The following FHIP1B variants were observed in gnomAD, a reference collection of about 807,000 sequenced individuals.
The protein encoded by FHIP1B is FHF complex subunit HOOK interacting protein 1B.
In FHIP1B, 28 loss-of-function variants were observed where a neutral mutation model predicts 82.2. The ratio of observed to expected loss-of-function variants is 0.34; its 90% CI spans 0.25 to 0.47. The LOEUF is 0.47. Among genes scored for constraint, FHIP1B ranks in the 20% least tolerant of loss-of-function variants. The pLI is 1.00. For missense variants in FHIP1B, 1,110 were observed against 1,262.6 expected, an observed-to-expected ratio of 0.88 and a Z score of 1.83; for synonymous variants, 585 against 516.1, an observed-to-expected ratio of 1.13 and a Z score of -1.81.
rs1022295741 is a variant in FHIP1B, at chr11:6,223,664, T to A, written c.723A>T (p.Ser241=). 13 of 1,612,146 alleles carry A rather than the reference T, an allele frequency of 8.1e-6. No homozygotes were observed. The highest frequency in any genetic ancestry group is 1.1e-5 in the Non-Finnish European group (13 of 1,178,820). The change falls in exon 3 of 12, where the codon TCA becomes TCT. Residue 241 remains serine (S), a synonymous_variant. Transcript: ENST00000449352. This position sits in a 1 kb window ranked among gnomAD's most constrained non-coding sequence, Gnocchi z 4.8. ...AGCGGCCCACAGTGGGGCTCCCAGC[T>A]GACAAAGCCATGAGAAGAAGTAGGG... ...RDALLLLMAL[S]AGSPTVGRYI...
At chr11:6,228,159 C>G (rs1847610529) in intron 1 of FHIP1B, among the ~76,000 whole-genome samples, 1 of 152,016 alleles carries the variant, frequency 6.6e-6, no homozygotes, top group African/African-American at 2.4e-5. Flanking sequence ...ACCAGCCTGA[C>G]CAACACGGTG....
At position 6,224,600 on chromosome 11, in the gene FHIP1B, G is replaced by A; in HGVS notation, c.-84C>T. On this transcript the variant is annotated 5_prime_UTR_variant, in exon 2 of 12. Coordinates refer to ENST00000449352, the MANE Select transcript of FHIP1B (RefSeq NM_001098794.2). ...GAGGTTTTCTCCACTTGTGTCTCCA[G>A]TCTGCTTCATCCGGTCTGTAGGAGC... The A allele has an allele frequency of 6.9e-7, 1 of 1,439,542 alleles. No individual in the cohort carries two copies. The highest frequency in any genetic ancestry group is 9.3e-7 in the Non-Finnish European group (1 of 1,071,818). 89.2% of individuals were successfully genotyped at this position (1,439,542 alleles called of 1,614,324 possible).
Position 6,211,364 on chromosome 11 carries a change from C to A in FHIP1B, c.*142G>T. 2 of 1,186,546 alleles carry A rather than the reference C, an allele frequency of 1.7e-6. No individual in the cohort carries two copies. Among genetic ancestry groups the A allele is most frequent in the Middle Eastern group, 2.9e-4 (1 of 3,434 alleles). 73.5% of individuals were successfully genotyped at this position (1,186,546 alleles called of 1,614,324 possible). ...ACAGAATAGAGATTTCCCTTTTATA[C>A]ATATTGCAACAAGTTCTCCATAAAA... On this transcript the variant is annotated 3_prime_UTR_variant, in exon 12 of 12. Transcript: ENST00000449352.
intron 6 of FHIP1B, among the ~76,000 whole-genome samples, chr11:6,219,500 C>G (rs77118274): frequency 3.9e-4 from 60 of 152,268 alleles, no homozygotes; most frequent in Middle Eastern, 3.4e-3. Flanking sequence ...CTAGAGGGAA[C>G]CGGGAAGATT....
chr11:6,232,724 G>A (rs1847728696), intron 1 of FHIP1B, among the ~76,000 whole-genome samples: 2 of 152,176 alleles, frequency 1.3e-5, no homozygotes, highest in South Asian at 2.1e-4. Context: ...TTGTATAAAT[G>A]TATGCTTCCT....
chr11:6,224,556 T>C lies in FHIP1B; in HGVS notation c.-40A>G. The C allele has an allele frequency of 6.4e-7, 1 of 1,554,488 alleles. No homozygotes were observed. The highest frequency in any genetic ancestry group is 8.7e-7 in the Non-Finnish European group (1 of 1,155,186). On this transcript the variant is annotated 5_prime_UTR_variant, in exon 2 of 12. Coordinates refer to ENST00000449352, the MANE Select transcript of FHIP1B (RefSeq NM_001098794.2). ...AGGACTGGCAGCCAGAGGCCTACAC[T>C]CTGAGGATTTGCCAGCTGGAGGTTT...
Position 6,217,633 on chromosome 11 carries a change from C to A in FHIP1B, c.1953G>T (p.Leu651=). The A allele has an allele frequency of 6.2e-7, 1 of 1,614,022 alleles. No individual in the cohort carries two copies. The highest frequency in any genetic ancestry group is 8.5e-7 in the Non-Finnish European group (1 of 1,180,006). Residue 651 remains leucine, a synonymous_variant, in exon 9 of 12, where the codon CTG becomes CTT. Coordinates refer to ENST00000449352, the MANE Select transcript of FHIP1B (RefSeq NM_001098794.2). ...SWPEGAKKVR[L]VPKEGAGELL... The stretch of plus-strand genomic sequence containing the variant: ...GTTCCCCAGCTCCCTCCTTTGGCAC[C>A]AGACGAACCTTCTTGGCCCCCTCAG...
At chr11:6,230,142 G>A (rs1352879109) in intron 1 of FHIP1B, among the ~76,000 whole-genome samples, 1 of 152,150 alleles carries the variant, frequency 6.6e-6, no homozygotes, top group Non-Finnish European at 1.5e-5. Context: ...CAGCAAGGGT[G>A]ACAACCAACC....
intron 1 of FHIP1B, among the ~76,000 whole-genome samples, chr11:6,230,621 T>A (rs1038901485): frequency 7.2e-5 from 11 of 152,216 alleles, no homozygotes; most frequent in Non-Finnish European, 1.0e-4. Flanking sequence ...GATCTCCTCA[T>A]CTGACTCCAG....
Position 6,223,853 on chromosome 11 carries a change from T to G in FHIP1B, c.534A>C (p.Leu178=), listed in dbSNP as rs780406819. Residue 178 remains leucine, a synonymous_variant, in exon 3 of 12, where the codon CTA becomes CTC. Coordinates refer to ENST00000449352, the MANE Select transcript of FHIP1B (RefSeq NM_001098794.2). The surrounding 1 kb of genome is among the most constrained non-coding windows in gnomAD (Gnocchi z 4.8). ...CACAAACACACAGCTGGCTGAGAAGTAGCACCAAGCCTTCATCCAGTGCTG... is the reference window on the plus strand; with the variant it reads ...CACAAACACACAGCTGGCTGAGAAGGAGCACCAAGCCTTCATCCAGTGCTG... ...SSPALDEGLV[L]LLSQLCVCVA... is the part of the protein sequence containing the mutation. The G allele has an allele frequency of 9.9e-6, 16 of 1,614,040 alleles. No individual in the cohort carries two copies. In the Admixed American group the frequency reaches 1.7e-4, roughly 17 times the overall value.
intron 8 of FHIP1B, 76 bp downstream of exon 8, chr11:6,218,524 T>A: frequency 7.6e-6 from 12 of 1,582,352 alleles, no homozygotes; most frequent in Non-Finnish European, 1.0e-5. Flanking sequence ...CCCCAGCCCC[T>A]CCTTGCTACG....
Position 6,218,578 on chromosome 11 carries a change from CCTGT to C in FHIP1B, c.1435+18_1435+21del. ...CATACCCGTGATGTCCTCCCTTCTC[CCTGT>C]CTCTCTGCTAGGCCCACCTCGTGCC... is the stretch of plus-strand genomic sequence containing the variant. On this transcript the variant is annotated intron_variant, in intron 8 of 11. Transcript: ENST00000449352. The C allele has an allele frequency of 6.2e-7, 1 of 1,613,972 alleles. No homozygotes were observed. Among genetic ancestry groups the C allele is most frequent in the Non-Finnish European group, 8.5e-7 (1 of 1,179,918 alleles).
chr11:6,211,407 T>G lies in FHIP1B; in HGVS notation c.*99A>C. ...CCATAAAACATTCATCTGAAATAAA[T>G]TAAAAAGTCCTTTTGCCACTGCCTC... is the stretch of plus-strand genomic sequence containing the variant. On this transcript the variant is annotated 3_prime_UTR_variant, in exon 12 of 12. Coordinates refer to ENST00000449352, the MANE Select transcript of FHIP1B (RefSeq NM_001098794.2). The G allele has an allele frequency of 7.1e-7, 1 of 1,411,872 alleles. No homozygotes were observed. The highest frequency in any genetic ancestry group is 9.5e-7 in the Non-Finnish European group (1 of 1,052,474). The allele number at this position is 1,411,872 out of a possible 1,614,324, so 87.5% of individuals were successfully genotyped here.
At chr11:6,232,406 T>C (rs1847721640) in intron 1 of FHIP1B, among the ~76,000 whole-genome samples, 1 of 152,214 alleles carries the variant, frequency 6.6e-6, no homozygotes, top group South Asian at 2.1e-4. Context: ...CCTATGTCAC[T>C]CTCACAGTCC....
At chr11:6,233,402 G>A (rs897281720) in intron 1 of FHIP1B, among the ~76,000 whole-genome samples, 2 of 152,142 alleles carry the variant, frequency 1.3e-5, no homozygotes, top group African/African-American at 4.8e-5. Flanking sequence ...AGAATTTCAC[G>A]TGCATTTGGG....
At position 6,223,800 on chromosome 11, in the gene FHIP1B, A is replaced by C; in HGVS notation, c.587T>G (p.Phe196Cys). Residue 196 changes from phenylalanine (F) to cysteine (C), a missense_variant, in exon 3 of 12, where the codon TTC becomes TGC. Around this residue, in one of 6 missense-constraint regions of FHIP1B, gnomAD observed 467 missense variants for 602.9 expected, o/e 0.77. Coordinates refer to ENST00000449352, the MANE Select transcript of FHIP1B (RefSeq NM_001098794.2). The surrounding 1 kb of genome is among the most constrained non-coding windows in gnomAD (Gnocchi z 4.8). ...CVAQEPSLLEFFLQPPPEPGA... is the reference protein window; with the variant it reads ...CVAQEPSLLECFLQPPPEPGA... ...AGGCTCAGGAGGTGGCTGCAGGAAG[A>C]ACTCGAGCAATGAAGGCTCCTGGGC... 6.2e-7 allele frequency: 1 copy of C among 1,614,198 alleles called. No homozygotes were observed. The highest frequency in any genetic ancestry group is 8.5e-7 in the Non-Finnish European group (1 of 1,180,006).
Position 6,211,693 on chromosome 11 carries a change from G to A in FHIP1B, c.2732C>T (p.Ala911Val), listed in dbSNP as rs1847076150. ...STPVLLTRGG[A>V]PERQGEALRV... ...AAGAGCCTCACCTTGGCGTTCAGGGGCCCCGCCCCGGGTGAGTAGAACTGG... is the reference window on the plus strand; with the variant it reads ...AAGAGCCTCACCTTGGCGTTCAGGGACCCCGCCCCGGGTGAGTAGAACTGG... The change falls in exon 12 of 12, where the codon GCC becomes GTC. Residue 911 changes from alanine to valine, a missense_variant. Physicochemically the swap from Ala to Val is moderately conservative, Grantham distance 64 (BLOSUM62 0). Transcript: ENST00000449352. 1.2e-6 allele frequency: 2 copies of A among 1,614,186 alleles called. No homozygotes were observed. Among genetic ancestry groups the A allele is most frequent in the South Asian group, 1.1e-5 (1 of 91,082 alleles).
At chr11:6,220,942 C>T (rs890928587) in intron 6 of FHIP1B, among the ~76,000 whole-genome samples, 5 of 152,136 alleles carry the variant, frequency 3.3e-5, no homozygotes, top group South Asian at 2.1e-4. Context: ...AGCTTTAATA[C>T]CTATTCCCTA....
At chr11:6,229,443 C>A (rs1194703300) in intron 1 of FHIP1B, among the ~76,000 whole-genome samples, 1 of 152,194 alleles carries the variant, frequency 6.6e-6, no homozygotes. Flanking sequence ...ACCCAAGTGC[C>A]CATATCTCTG....
Sources: gnomAD v4.1 joint callset for allele counts (sites outside exome capture counted in the v4.1 genomes callset) on GRCh38, gnomAD v4.1.1 for gene constraint, gnomAD v4.1.1 regional missense constraint, Gnocchi (gnomAD v3.1) non-coding constraint, MANE v1.5 for transcripts, NCBI Gene and HGNC (gene_info 2026-07-23, HGNC 2026-07-21) for gene names.